NFKBIZ: variants seen among roughly 807,000 people sequenced by gnomAD.
NFKBIZ encodes NF-kappa-B inhibitor zeta.
A neutral mutation model predicts 76.8 loss-of-function variants in NFKBIZ; 19 were observed. The ratio of observed to expected loss-of-function variants is 0.25; its 90% CI spans 0.17 to 0.36. The LOEUF is 0.36. Among genes scored for constraint, NFKBIZ ranks in the 10% least tolerant of loss-of-function variants. The pLI is 1.00. For synonymous variants in NFKBIZ, 368 were observed against 354.8 expected (o/e 1.04, Z -0.42); for missense variants, 829 against 910.9 (o/e 0.91, Z 1.16).
chr3:101,849,881 C>A lies in NFKBIZ; in HGVS notation c.253C>A (p.Arg85=). 6.9e-7 allele frequency: 1 copy of A among 1,448,308 alleles called. No homozygotes were observed. 89.7% of individuals were successfully genotyped at this position (1,448,308 alleles called of 1,614,324 possible). ...SVSSCGAVES[R]SRGGARAERQ... is the part of the protein sequence containing the mutation. ...GTCCTCCTGCGGCGCCGTGGAGTCC[C>A]GGTCGAGAGGCGGCGCCCGCGCCGA... The change falls in exon 1 of 12, where the codon CGG becomes AGG. Residue 85 remains arginine (R), a synonymous_variant. Transcript: ENST00000326172.
Position 101,853,870 on chromosome 3 carries a change from A to G in NFKBIZ, c.1337+7A>G, listed in dbSNP as rs1943007685. On this transcript the variant is annotated splice_region_variant and intron_variant, in intron 5 of 11. Transcript: ENST00000326172. ...AGGATGCAGATGGTGACACGTGAGT[A>G]TTCTTTTATCTCATGTTCTTAATTA... The G allele has an allele frequency of 3.7e-6, 6 of 1,609,060 alleles. No individual in the cohort carries two copies. The highest frequency in any genetic ancestry group is 1.1e-5 in the South Asian group (1 of 90,610).
chr3:101,854,534 G>A (rs1307793816), intron 5 of NFKBIZ, 44 bp from the exon 6 acceptor site: 1 of 1,102,092 alleles, frequency 9.1e-7, no homozygotes, highest in South Asian at 1.3e-5. Context: ...ACAACTTAGT[G>A]AAATCAGAAG....
At chr3:101,850,714 A>G (rs1169667151) in intron 1 of NFKBIZ, among the ~76,000 whole-genome samples, 1 of 152,216 alleles carries the variant, frequency 6.6e-6, no homozygotes, top group African/African-American at 2.4e-5. Context: ...GATTTTAAAG[A>G]ACGTCTCTTT....
chr3:101,834,314 TTC>T (rs1257981022), intron 2 of NFKBIZ, among the ~76,000 whole-genome samples: 4 of 151,046 alleles, frequency 2.6e-5, no homozygotes, highest in African/African-American at 2.4e-5. Context: ...CCTTACCTCC[TTC>T]TCTCTCTCTC....
At chr3:101,828,619 T>A (rs1942593600) in intron 1 of NFKBIZ, among the ~76,000 whole-genome samples, 1 of 152,216 alleles carries the variant, frequency 6.6e-6, no homozygotes, top group Admixed American at 6.5e-5. Context: ...GGAAAATATA[T>A]CAGAGTAAAT....
At chr3:101,833,774 C>T (rs1942677978) in intron 2 of NFKBIZ, among the ~76,000 whole-genome samples, 1 of 152,150 alleles carries the variant, frequency 6.6e-6, no homozygotes, top group Admixed American at 6.5e-5. Context: ...TAGTATTGAA[C>T]AGTATCCAGC....
chr3:101,835,883 T>C (rs1942712910), intron 2 of NFKBIZ, among the ~76,000 whole-genome samples: 2 of 152,210 alleles, frequency 1.3e-5, no homozygotes, highest in South Asian at 4.1e-4. Context: ...GGTCCAATTG[T>C]GGTTCAGCAG....
At chr3:101,847,255 A>G (rs1576811686), upstream of NFKBIZ, among the ~76,000 whole-genome samples, 1 of 152,376 alleles carries the variant, frequency 6.6e-6, no homozygotes, top group Non-Finnish European at 1.5e-5. Context: ...ATCACACTCA[A>G]CATCTTATTT....
At chr3:101,858,346 G>A in intron 11 of NFKBIZ, 1 of 971,048 alleles carries the variant, frequency 1.0e-6, no homozygotes. Context: ...TCATTTAATA[G>A]TTAGAAGAAC....
upstream of NFKBIZ, among the ~76,000 whole-genome samples, chr3:101,847,206 C>T (rs1039330975): frequency 2.0e-5 from 3 of 152,248 alleles, no homozygotes; most frequent in African/African-American, 7.2e-5. Flanking sequence ...GCTGCCTGGG[C>T]ATGCCTTAAT....
chr3:101,834,251 TTGGAGTTAC>T (rs1942684717), intron 2 of NFKBIZ, among the ~76,000 whole-genome samples: 1 of 152,090 alleles, frequency 6.6e-6, no homozygotes. Context: ...CCTCAAGGCC[TTGGAGTTAC>T]CTCTGACCCT....
At position 101,832,599 on chromosome 3, in the gene NFKBIZ, G is replaced by A. The variant is rs889984999; in HGVS notation, c.-12+2911G>A. ...TTATGACTGGTTTATTTCATGTAGCGTAATATTTTCAAGGTTCATTCATGT... is the reference window on the plus strand; with the variant it reads ...TTATGACTGGTTTATTTCATGTAGCATAATATTTTCAAGGTTCATTCATGT... On this transcript the variant is annotated intron_variant, in intron 2 of 12. Transcript: ENST00000394054. 3.9e-5 allele frequency among the ~76,000 whole-genome samples: 6 copies of A among 152,096 alleles called. 1 individual carries two copies. Among genetic ancestry groups the A allele is most frequent in the Admixed American group, 2.6e-4 (4 of 15,264 alleles).
chr3:101,828,136 A>G (rs1475977064), exon 1 of NFKBIZ: 1 of 152,210 alleles, frequency 6.6e-6, no homozygotes, highest in Non-Finnish European at 1.5e-5. Context: ...GCTGGAAACA[A>G]TTGATTTGCT....
At position 101,853,425 on chromosome 3, in the gene NFKBIZ, C is replaced by G. The variant is rs773524436; in HGVS notation, c.899C>G (p.Pro300Arg). Reference protein sequence around the residue: ...SPQNQHVEQQPHYTHKPTLEY... With the variant: ...SPQNQHVEQQRHYTHKPTLEY... Reference sequence around the variant, plus strand: ...CAGAACCAGCATGTAGAGCAGCAGCCACACTACACCCACAAACCAACTCTG... The same window carrying G: ...CAGAACCAGCATGTAGAGCAGCAGCGACACTACACCCACAAACCAACTCTG... The change falls in exon 5 of 12, where the codon CCA (proline) becomes CGA (arginine). Residue 300 changes from proline (P) to arginine (R), a missense_variant. Transcript: ENST00000326172. 1 of 1,614,174 alleles carries G rather than the reference C, an allele frequency of 6.2e-7. No homozygotes were observed. Among genetic ancestry groups the G allele is most frequent in the South Asian group, 1.1e-5 (1 of 91,080 alleles).
intron 2 of NFKBIZ, among the ~76,000 whole-genome samples, chr3:101,844,217 G>A (rs1482904880): frequency 6.6e-6 from 1 of 152,162 alleles, no homozygotes; most frequent in Non-Finnish European, 1.5e-5. Context: ...ATTTCCTTGA[G>A]ACAATTGTCA....
At chr3:101,857,676 T>A (rs765753524) in intron 11 of NFKBIZ, 100 of 985,410 alleles carry the variant, frequency 1.0e-4, no homozygotes, top group Non-Finnish European at 1.2e-4. Context: ...CTCAAAATGG[T>A]TAGAGGTCAG....
At position 101,859,846 on chromosome 3, in the gene NFKBIZ, A is replaced by G. The variant is rs900559786; in HGVS notation, c.*475A>G. The G allele has an allele frequency of 2.6e-5, 4 of 154,942 alleles. No individual in the cohort carries two copies. The highest frequency in any genetic ancestry group is 1.9e-4 in the Admixed American group (3 of 15,802). 9.6% of individuals were successfully genotyped at this position (154,942 alleles called of 1,614,324 possible). On this transcript the variant is annotated 3_prime_UTR_variant, in exon 12 of 12. Coordinates refer to ENST00000326172, the MANE Select transcript of NFKBIZ (RefSeq NM_031419.4). ...GGACAGGCTTCAGTCATTGGACTAG[A>G]TGAAAGGTGTCCATGGTTAGAATTT...
intron 2 of NFKBIZ, among the ~76,000 whole-genome samples, chr3:101,831,788 A>G (rs536903646): frequency 6.6e-6 from 1 of 152,060 alleles, no homozygotes; most frequent in Admixed American, 6.5e-5. Flanking sequence ...CTACAGGCAC[A>G]TGCCACCACG....
chr3:101,837,606 G>T (rs370733148), intron 2 of NFKBIZ, among the ~76,000 whole-genome samples: 31 of 152,166 alleles, frequency 2.0e-4, no homozygotes, highest in Middle Eastern at 3.4e-3. Flanking sequence ...ACAGGGTTGA[G>T]AATCACAGAA....
Sources: gnomAD v4.1 joint callset for allele counts (sites outside exome capture counted in the v4.1 genomes callset) on GRCh38, gnomAD v4.1.1 for gene constraint, MANE v1.5 for transcripts, NCBI Gene and HGNC (gene_info 2026-07-23, HGNC 2026-07-21) for gene names.